Variants in SLC22A15 observed in about 807,000 individuals in gnomAD.
SLC22A15 encodes solute carrier family 22 member 15, also known as flipt 1.
In SLC22A15, 45 loss-of-function variants were observed where a neutral mutation model predicts 62.7. The observed-to-expected ratio is 0.72, with a 90% confidence interval of 0.56 to 0.92. The LOEUF (loss-of-function observed/expected upper bound fraction) is 0.92, where lower values mean the gene tolerates loss of function less well. Ranked by LOEUF, SLC22A15 falls within the 40% of genes least tolerant of loss-of-function variation. SLC22A15 has a pLI of 0.00. For synonymous variants in SLC22A15, 264 were observed against 267.0 expected (o/e 0.99, Z 0.11); for missense variants, 622 against 665.6 (o/e 0.93, Z 0.72).
At chr1:115,984,538 T>C (rs931000925) in intron 1 of SLC22A15, among the ~76,000 whole-genome samples, 4 of 152,216 alleles carry the variant, frequency 2.6e-5, no homozygotes, top group Non-Finnish European at 5.9e-5. Context: ...AAGATCATAA[T>C]GGAGCTGAAA....
Position 116,067,172 on chromosome 1 carries a change from C to A in SLC22A15, c.*64C>A. 8.3e-7 allele frequency: 1 copy of A among 1,203,458 alleles called. No homozygotes were observed. The highest frequency in any genetic ancestry group is 1.2e-6 in the Non-Finnish European group (1 of 824,996). 74.5% of individuals were successfully genotyped at this position (1,203,458 alleles called of 1,614,324 possible). ...TTTATGCCTCTGGCTAAGGCAGGTT[C>A]TTCCATGACTCCTAAGAGAGTTGTA... On this transcript the variant is annotated 3_prime_UTR_variant, in exon 12 of 12. Coordinates refer to ENST00000369503, the MANE Select transcript of SLC22A15 (RefSeq NM_018420.3).
chr1:116,025,207 C>T (rs2101372798), intron 4 of SLC22A15, among the ~76,000 whole-genome samples: 1 of 152,290 alleles, frequency 6.6e-6, no homozygotes, highest in South Asian at 2.1e-4. Context: ...AACCATCCCT[C>T]CTCTGGGCTT....
At chr1:116,055,247 C>T (rs1354269666) in intron 8 of SLC22A15, among the ~76,000 whole-genome samples, 2 of 151,660 alleles carry the variant, frequency 1.3e-5, no homozygotes, top group Non-Finnish European at 2.9e-5. Context: ...CACAGAAATA[C>T]AAACTACCAT....
At chr1:115,977,359 A>G (rs1654364603) in intron 1 of SLC22A15, among the ~76,000 whole-genome samples, 1 of 152,216 alleles carries the variant, frequency 6.6e-6, no homozygotes, top group East Asian at 1.9e-4. Flanking sequence ...TGGTTATCAA[A>G]TGGAATCACT....
At position 116,035,278 on chromosome 1, in the gene SLC22A15, A is replaced by G. The variant is rs1206235297; in HGVS notation, c.1036A>G (p.Ile346Val). 8 of 1,613,400 alleles carry G rather than the reference A, an allele frequency of 5.0e-6. No homozygotes were observed. The highest frequency in any genetic ancestry group is 2.7e-5 in the African/African-American group (2 of 75,006). Reference sequence around the variant, plus strand: ...TGCCAACCTGGCCCTGTCTGGCCTCATAGAGATTCCATCTTACCCTCTCTG... The same window carrying G: ...TGCCAACCTGGCCCTGTCTGGCCTCGTAGAGATTCCATCTTACCCTCTCTG... Reference protein sequence around the residue: ...IYANLALSGLIEIPSYPLCIY... With the variant: ...IYANLALSGLVEIPSYPLCIY... The change falls in exon 7 of 12, where the codon ATA becomes GTA. Residue 346 changes from isoleucine to valine, a missense_variant. Physicochemically the swap from Ile to Val is conservative, Grantham distance 29 (BLOSUM62 3). Coordinates refer to ENST00000369503, the MANE Select transcript of SLC22A15 (RefSeq NM_018420.3).
intron 2 of SLC22A15, among the ~76,000 whole-genome samples, chr1:115,992,912 A>G (rs1249273898): frequency 1.3e-5 from 2 of 152,054 alleles, no homozygotes; most frequent in Admixed American, 6.6e-5. Context: ...GGCATGAGCC[A>G]CCGCGCCTGG....
intron 8 of SLC22A15, among the ~76,000 whole-genome samples, chr1:116,051,913 A>G (rs535928465): frequency 1.3e-5 from 2 of 152,292 alleles, no homozygotes; most frequent in Non-Finnish European, 2.9e-5. Context: ...AAACAGACTA[A>G]GAAGGAGGAG....
At chr1:116,024,924 G>A (rs544393004) in intron 4 of SLC22A15, among the ~76,000 whole-genome samples, 1 of 152,110 alleles carries the variant, frequency 6.6e-6, no homozygotes, top group African/African-American at 2.4e-5. Context: ...CAGTGGGTGG[G>A]ACATTCTTGG....
intron 1 of SLC22A15, among the ~76,000 whole-genome samples, chr1:115,983,655 G>A (rs763622020): frequency 1.4e-4 from 21 of 152,156 alleles, no homozygotes; most frequent in Non-Finnish European, 5.9e-5. Context: ...AGAAGTGACT[G>A]GAATCTGTGT....
At chr1:116,044,729 G>C (rs1440820899) in intron 8 of SLC22A15, among the ~76,000 whole-genome samples, 1 of 151,866 alleles carries the variant, frequency 6.6e-6, no homozygotes, top group Non-Finnish European at 1.5e-5. Flanking sequence ...CTACATATTA[G>C]CAACAAACAG....
chr1:116,046,819 A>C (rs1657941486), intron 8 of SLC22A15, among the ~76,000 whole-genome samples: 1 of 152,148 alleles, frequency 6.6e-6, no homozygotes. Flanking sequence ...CCTTACCTGG[A>C]GCTGAGTCAA....
rs1287933010 is a variant in SLC22A15, at chr1:116,026,934, T to A, written c.640T>A (p.Tyr214Asn). The A allele has an allele frequency of 1.9e-6, 3 of 1,613,840 alleles. No individual in the cohort carries two copies. Among genetic ancestry groups the A allele is most frequent in the Non-Finnish European group, 2.5e-6 (3 of 1,179,812 alleles). Reference sequence around the variant, plus strand: ...GTTCTTTGCAGTTGGCATTGCCCAATATGCCCTGTTAGGATACTTCATCCG... The same window carrying A: ...GTTCTTTGCAGTTGGCATTGCCCAAAATGCCCTGTTAGGATACTTCATCCG... ...GLFFAVGIAQ[Y>N]ALLGYFIRSW... The change falls in exon 5 of 12, where the codon TAT becomes AAT. Residue 214 changes from tyrosine (Y) to asparagine (N), a missense_variant. Physicochemically the swap from Tyr to Asn is moderately radical, Grantham distance 143. Transcript: ENST00000369503.
chr1:116,028,641 G>A (rs1657225732), intron 5 of SLC22A15, among the ~76,000 whole-genome samples: 1 of 149,608 alleles, frequency 6.7e-6, no homozygotes, highest in South Asian at 2.1e-4. Context: ...ATAGAAAGCA[G>A]AGAGAAAAGA....
At chr1:116,018,813 C>A (rs1298418243) in intron 2 of SLC22A15, among the ~76,000 whole-genome samples, 1 of 152,280 alleles carries the variant, frequency 6.6e-6, no homozygotes, top group East Asian at 1.9e-4. Flanking sequence ...TTATTGTTAG[C>A]TATAGTCATC....
intron 5 of SLC22A15, among the ~76,000 whole-genome samples, chr1:116,028,548 TAAAA>T (rs1657220501): frequency 1.1e-5 from 1 of 91,874 alleles, no homozygotes. Flanking sequence ...TTTTTTTTTT[TAAAA>T]TATATAGTCT....
chr1:116,048,823 C>T (rs1336569930), intron 8 of SLC22A15, among the ~76,000 whole-genome samples: 2 of 152,142 alleles, frequency 1.3e-5, no homozygotes, highest in Non-Finnish European at 2.9e-5. Flanking sequence ...TGGATAAGAA[C>T]TCACCAAGCA....
Position 116,069,249 on chromosome 1 carries a change from G to A in SLC22A15, c.*2141G>A, listed in dbSNP as rs1658564263. On this transcript the variant is annotated 3_prime_UTR_variant, in exon 12 of 12. Coordinates refer to ENST00000369503, the MANE Select transcript of SLC22A15 (RefSeq NM_018420.3). Reference sequence around the variant, plus strand: ...GTGTCACTAAATTTTCCTTCTAGATGGTCCTTGAGCAAAACTTAATAATTA... The same window carrying A: ...GTGTCACTAAATTTTCCTTCTAGATAGTCCTTGAGCAAAACTTAATAATTA... The A allele has an allele frequency of 6.6e-6, 1 of 152,088 alleles. No homozygotes were observed. Among genetic ancestry groups the A allele is most frequent in the Admixed American group, 6.6e-5 (1 of 15,254 alleles). 9.4% of individuals were successfully genotyped at this position (152,088 alleles called of 1,614,324 possible).
At chr1:116,006,286 C>T (rs1443434555) in intron 2 of SLC22A15, among the ~76,000 whole-genome samples, 2 of 152,124 alleles carry the variant, frequency 1.3e-5, no homozygotes, top group Admixed American at 1.3e-4. Context: ...AGGGATGAGG[C>T]ACCCTGGTCC....
At position 116,035,184 on chromosome 1, in the gene SLC22A15, C is replaced by T; in HGVS notation, c.945-3C>T. On this transcript the variant is annotated splice_polypyrimidine_tract_variant and splice_region_variant and intron_variant, in intron 6 of 11. Transcript: ENST00000369503. ...CTCCTGGTCCTTTGACTCCCAATTG[C>T]AGGTTTGTGTGCAGCTTGGTGTATT... 1 of 1,609,046 alleles carries T rather than the reference C, an allele frequency of 6.2e-7. No individual in the cohort carries two copies. Among genetic ancestry groups the T allele is most frequent in the Non-Finnish European group, 8.5e-7 (1 of 1,177,722 alleles).
Sources: allele counts gnomAD v4.1 joint callset (sites outside exome capture counted in the v4.1 genomes callset), GRCh38; gene constraint gnomAD v4.1.1; transcripts MANE v1.5; gene names NCBI Gene and HGNC (gene_info 2026-07-23, HGNC 2026-07-21).